NMNAT2: variants seen among roughly 807,000 people sequenced by gnomAD.
NMNAT2 encodes the protein nicotinamide/nicotinic acid mononucleotide adenylyltransferase 2.
In NMNAT2, 11 loss-of-function variants were observed where a neutral mutation model predicts 41.6. The ratio of observed to expected loss-of-function variants is 0.26; its 90% CI spans 0.17 to 0.44. The LOEUF (loss-of-function observed/expected upper bound fraction) is 0.44. Ranked by LOEUF, NMNAT2 falls within the 20% of genes least tolerant of loss-of-function variation. NMNAT2 has a pLI of 1.00. For synonymous variants in NMNAT2, 148 were observed against 151.2 expected, an observed-to-expected ratio of 0.98 and a Z score of 0.16; for missense variants, 288 against 407.7, an observed-to-expected ratio of 0.71 and a Z score of 2.53.
At chr1:183,364,714 C>A (rs937866309) in intron 1 of NMNAT2, among the ~76,000 whole-genome samples, 1 of 57,750 alleles carries the variant, frequency 1.7e-5, no homozygotes, top group Non-Finnish European at 4.1e-5. Context: ...TTGTTTGAGA[C>A]GGAGTCTCAC....
intron 7 of NMNAT2, among the ~76,000 whole-genome samples, chr1:183,279,432 C>T (rs757882300): frequency 9.9e-5 from 15 of 152,186 alleles, no homozygotes; most frequent in South Asian, 6.2e-4. Context: ...GGCTCCCAGG[C>T]GTTCCAGGCC....
At chr1:183,327,555 C>G (rs1473625182) in intron 1 of NMNAT2, among the ~76,000 whole-genome samples, 1 of 152,230 alleles carries the variant, frequency 6.6e-6, no homozygotes, top group Non-Finnish European at 1.5e-5. Context: ...GCCAGCAACT[C>G]TTCTCAAATT....
rs1448917326 is a variant in NMNAT2, at chr1:183,321,797, G to T, written c.86-28004C>A. Among the ~76,000 whole-genome samples the T allele has an allele frequency of 2.0e-5, 3 of 151,972 alleles. No individual in the cohort carries two copies. The East Asian group carries it at 5.8e-4, about 29-fold the overall frequency. On this transcript the variant is annotated intron_variant, in intron 1 of 10. Coordinates refer to ENST00000287713, the MANE Select transcript of NMNAT2 (RefSeq NM_015039.4). ...ATGTTACTTAATGTTACTTGGACTAGATTTTTGGTTTTTGTTTTGTTTTGT... is the reference window on the plus strand; with the variant it reads ...ATGTTACTTAATGTTACTTGGACTATATTTTTGGTTTTTGTTTTGTTTTGT...
intron 8 of NMNAT2, among the ~76,000 whole-genome samples, chr1:183,262,318 A>G (rs1382843233): frequency 6.6e-6 from 1 of 152,178 alleles, no homozygotes; most frequent in Admixed American, 6.5e-5. Context: ...AAAAAAAAAA[A>G]AAAGAAATCA....
chr1:183,272,646 G>A (rs16860727), intron 8 of NMNAT2, among the ~76,000 whole-genome samples: 15,477 of 152,250 alleles, frequency 0.1, 903 homozygotes, highest in East Asian at 0.2. Context: ...AGAATCCAAA[G>A]TGAAAGAAAG....
chr1:183,345,123 TCC>T (rs869107430), intron 1 of NMNAT2, among the ~76,000 whole-genome samples: 2 of 136,504 alleles, frequency 1.5e-5, no homozygotes, highest in Non-Finnish European at 3.3e-5. Context: ...TCTCTTCTCC[TCC>T]CCCACCCCAC....
intron 3 of NMNAT2, among the ~76,000 whole-genome samples, chr1:183,291,852 A>G (rs1457937913): frequency 6.6e-6 from 1 of 152,162 alleles, no homozygotes; most frequent in Non-Finnish European, 1.5e-5. Context: ...CCTAAGCTTT[A>G]TCTTTAGGGG....
At chr1:183,261,541 G>T (rs1218060811) in intron 8 of NMNAT2, among the ~76,000 whole-genome samples, 2 of 152,174 alleles carry the variant, frequency 1.3e-5, no homozygotes, top group Non-Finnish European at 2.9e-5. Context: ...AAATACCCTA[G>T]ACTTAAGGAA....
intron 1 of NMNAT2, among the ~76,000 whole-genome samples, chr1:183,310,776 G>T (rs1662097311): frequency 6.6e-6 from 1 of 151,742 alleles, no homozygotes. Flanking sequence ...CATAAACAAG[G>T]CCTCTGTTTT....
intron 1 of NMNAT2, among the ~76,000 whole-genome samples, chr1:183,377,049 T>C (rs1415694861): frequency 1.3e-5 from 2 of 152,022 alleles, no homozygotes; most frequent in Non-Finnish European, 2.9e-5. Flanking sequence ...CCTCTCTTCC[T>C]CAAGGAAGGA....
At chr1:183,308,713 T>C (rs1662048062) in intron 1 of NMNAT2, among the ~76,000 whole-genome samples, 1 of 152,070 alleles carries the variant, frequency 6.6e-6, no homozygotes, top group Admixed American at 6.5e-5. Context: ...CAAATAAAAC[T>C]GTGAGTCTAA....
intron 10 of NMNAT2, among the ~76,000 whole-genome samples, chr1:183,255,482 T>G (rs942674691): frequency 2.0e-5 from 3 of 152,202 alleles, no homozygotes; most frequent in Admixed American, 6.5e-5. Flanking sequence ...TGATAGGTAT[T>G]TCATTAAATC....
chr1:183,285,305 T>C (rs921689224), intron 5 of NMNAT2, among the ~76,000 whole-genome samples: 1 of 152,218 alleles, frequency 6.6e-6, no homozygotes, highest in Non-Finnish European at 1.5e-5. Flanking sequence ...CCCAAGCCTA[T>C]CCTTAGCTGC....
chr1:183,266,585 T>A (rs941867029), intron 8 of NMNAT2: 3 of 154,306 alleles, frequency 1.9e-5, no homozygotes, highest in African/African-American at 7.2e-5. Flanking sequence ...ACTGGTATGA[T>A]GTAAAAACAC....
At chr1:183,311,722 TACACAC>T (rs61005402) in intron 1 of NMNAT2, among the ~76,000 whole-genome samples, 16,755 of 144,120 alleles carry the variant, frequency 0.12, 988 homozygotes, top group African/African-American at 0.14. Context: ...GTCCAGTCCC[TACACAC>T]ACACACACAC....
chr1:183,265,194 C>T (rs609648), intron 8 of NMNAT2, among the ~76,000 whole-genome samples: 108,625 of 150,244 alleles, frequency 0.72, 40,760 homozygotes, highest in Middle Eastern at 0.87. Flanking sequence ...CCATCCACTC[C>T]CCTCAAAGAA....
chr1:183,363,605 C>CAA (rs1262906529), intron 1 of NMNAT2, among the ~76,000 whole-genome samples: 4 of 151,622 alleles, frequency 2.6e-5, no homozygotes, highest in Non-Finnish European at 4.4e-5. Flanking sequence ...CACACACACA[C>CAA]AATACCTCCA....
intron 1 of NMNAT2, among the ~76,000 whole-genome samples, chr1:183,350,408 A>T (rs1663020882): frequency 6.6e-6 from 1 of 152,170 alleles, no homozygotes; most frequent in Non-Finnish European, 1.5e-5. Context: ...GAGAAGGAAA[A>T]AGGGGGAAAG....
rs184524166 is a variant in NMNAT2, at chr1:183,350,316, G to A, written c.86-56523C>T. Among the ~76,000 whole-genome samples the A allele has an allele frequency of 4.6e-5, 7 of 152,272 alleles. No individual in the cohort carries two copies. In the East Asian group the frequency reaches 1.3e-3, roughly 29 times the overall value. ...GTTCCCAATCACCAGCTGAGATGGG[G>A]AACTGTCCTGGTCAACCCCTGTTAA... On this transcript the variant is annotated intron_variant, in intron 1 of 10. Coordinates refer to ENST00000287713, the MANE Select transcript of NMNAT2 (RefSeq NM_015039.4).
Sources: gnomAD v4.1 joint callset for allele counts (sites outside exome capture counted in the v4.1 genomes callset) on GRCh38, gnomAD v4.1.1 for gene constraint, MANE v1.5 for transcripts, NCBI Gene and HGNC (gene_info 2026-07-23, HGNC 2026-07-21) for gene names.